Variants in RBSN observed in about 807,000 individuals in gnomAD.
RBSN encodes the protein rabenosyn, RAB effector.
Under a neutral mutation model 60.5 loss-of-function variants are expected in RBSN, and 34 were observed. The observed-to-expected ratio is 0.56, with a 90% CI of 0.43 to 0.75. RBSN has a LOEUF of 0.75. Among genes scored for constraint, RBSN ranks in the 30% least tolerant of loss-of-function variants. The pLI is 0.00. For synonymous variants in RBSN, 322 were observed against 366.9 expected, an observed-to-expected ratio of 0.88 and a Z score of 1.40; for missense variants, 845 against 986.8, an observed-to-expected ratio of 0.86 and a Z score of 1.92.
chr3:15,082,282 A>G lies in RBSN; in HGVS notation c.840+85T>C. On this transcript the variant is annotated intron_variant, in intron 9 of 13. Transcript: ENST00000253699. This position sits in a 1 kb window ranked among gnomAD's most constrained non-coding sequence, Gnocchi z 4.2. ...ATTCAAACGAACAACTTCCCAAAGC[A>G]TTCTCCAGAATCTGCAGGAGTGTAC... 3.9e-6 allele frequency: 6 copies of G among 1,524,638 alleles called. No homozygotes were observed. Among genetic ancestry groups the G allele is most frequent in the Non-Finnish European group, 5.4e-6 (6 of 1,118,508 alleles). 94.4% of individuals were successfully genotyped at this position (1,524,638 alleles called of 1,614,324 possible).
At chr3:15,098,455 T>TA (rs1485723784) in intron 1 of RBSN, among the ~76,000 whole-genome samples, 181 bp from the exon 2 acceptor site, 67 of 2,704 alleles carry the variant, frequency 0.025, 7 homozygotes, top group African/African-American at 0.066. Flanking sequence ...ACGTAAAAAG[T>TA]AAAAAAAATA....
chr3:15,087,548 T>C (rs1311296417), intron 5 of RBSN, among the ~76,000 whole-genome samples: 1 of 152,144 alleles, frequency 6.6e-6, no homozygotes, highest in Admixed American at 6.6e-5. Context: ...CACCACCTTA[T>C]ACAACAGATC....
chr3:15,097,650 C>G (rs918820271), intron 2 of RBSN, among the ~76,000 whole-genome samples: 11 of 152,286 alleles, frequency 7.2e-5, no homozygotes, highest in African/African-American at 2.6e-4. Context: ...TCAAGACACC[C>G]AGTCACAAGA....
Position 15,077,049 on chromosome 3 carries a change from A to C in RBSN, c.1101+13T>G. 6.2e-7 allele frequency: 1 copy of C among 1,613,272 alleles called. No individual in the cohort carries two copies. Among genetic ancestry groups the C allele is most frequent in the Non-Finnish European group, 8.5e-7 (1 of 1,179,254 alleles). On this transcript the variant is annotated intron_variant, in intron 12 of 13. Transcript: ENST00000253699. This position sits in a 1 kb window ranked among gnomAD's most constrained non-coding sequence, Gnocchi z 4.4. ...CCAAGTGCAACATTTATGCCAACCCAGGATGGCTTTACCTGCACAAAAAGT... is the reference window on the plus strand; with the variant it reads ...CCAAGTGCAACATTTATGCCAACCCCGGATGGCTTTACCTGCACAAAAAGT...
In RBSN at chr3:15,070,706, C is replaced by T. The variant is rs1408314147; in HGVS notation, c.*3076G>A. The T allele has an allele frequency of 6.6e-6, 1 of 152,590 alleles. No homozygotes were observed. The highest frequency in any genetic ancestry group is 1.5e-5 in the Non-Finnish European group (1 of 68,046). The allele number at this position is 152,590 out of a possible 1,614,324, so 9.5% of individuals were successfully genotyped here. A position where few individuals can be genotyped will look rare whatever the true frequency, so the allele number is the denominator to read the frequency against. On this transcript the variant is annotated 3_prime_UTR_variant, in exon 14 of 14. Transcript: ENST00000253699. ...AATTCTAACTCCTGTGATGTATTTA[C>T]AGGAGAAGATAATCGTGGAAGAATT... is the stretch of plus-strand genomic sequence containing the variant.
Position 15,085,871 on chromosome 3 carries a change from C to T in RBSN, c.380G>A (p.Arg127Lys), listed in dbSNP as rs1040380572. Residue 127 changes from arginine to lysine, a missense_variant, in exon 6 of 14, where the codon AGG (arginine) becomes AAG (lysine). Physicochemically the swap from Arg to Lys is conservative, Grantham distance 26. Transcript: ENST00000253699. ...GACAACAAAATTTACCTTCTCTAAC[C>T]TGATTATTAGTTTATTGACTTCCAC... ...YVVEVNKLII[R>K]LEKLTAFDRT... 1 of 1,613,540 alleles carries T rather than the reference C, an allele frequency of 6.2e-7. No individual in the cohort carries two copies. The highest frequency in any genetic ancestry group is 8.5e-7 in the Non-Finnish European group (1 of 1,179,788).
Position 15,080,766 on chromosome 3 carries a change from C to A in RBSN, c.877G>T (p.Ala293Ser), listed in dbSNP as rs911681286. 29 of 1,613,960 alleles carry A rather than the reference C, an allele frequency of 1.8e-5. No homozygotes were observed. The highest frequency in any genetic ancestry group is 2.0e-5 in the Non-Finnish European group (24 of 1,180,022). The change falls in exon 10 of 14, where the codon GCT (alanine) becomes TCT (serine). Residue 293 changes from alanine (A) to serine (S), a missense_variant. Physicochemically the swap from Ala to Ser is moderately conservative, Grantham distance 99. Coordinates refer to ENST00000253699, the MANE Select transcript of RBSN (RefSeq NM_022340.4). ...RLCMEKVDQKAPEYIRMAASL... is the reference protein window; with the variant it reads ...RLCMEKVDQKSPEYIRMAASL... The stretch of plus-strand genomic sequence containing the variant: ...GCTGCCATCCTGATGTATTCTGGAG[C>A]TTTCTGGTCAACTTTCTCCATGCAA...
At position 15,070,721 on chromosome 3, in the gene RBSN, G is replaced by A. The variant is rs915569292; in HGVS notation, c.*3061C>T. 19 of 152,632 alleles carry A rather than the reference G, an allele frequency of 1.2e-4. No homozygotes were observed. Among genetic ancestry groups the A allele is most frequent in the African/African-American group, 4.6e-4 (19 of 41,442 alleles). The allele number at this position is 152,632 out of a possible 1,614,324, so 9.5% of individuals were successfully genotyped here. ...GATGTATTTACAGGAGAAGATAATC[G>A]TGGAAGAATTAAATGGAAGAATTCA... is the stretch of plus-strand genomic sequence containing the variant. On this transcript the variant is annotated 3_prime_UTR_variant, in exon 14 of 14. Coordinates refer to ENST00000253699, the MANE Select transcript of RBSN (RefSeq NM_022340.4).
In RBSN at chr3:15,074,100, G is replaced by T; in HGVS notation, c.2037C>A (p.Phe679Leu). 6.2e-7 allele frequency: 1 copy of T among 1,614,128 alleles called. No homozygotes were observed. Residue 679 changes from phenylalanine to leucine, a missense_variant, in exon 14 of 14, where the codon TTC (phenylalanine) becomes TTA (leucine). Coordinates refer to ENST00000253699, the MANE Select transcript of RBSN (RefSeq NM_022340.4). The surrounding 1 kb of genome is among the most constrained non-coding windows in gnomAD (Gnocchi z 6.4). ...EEEEAVAGNP[F>L]IQPDSPAPNP... ...TAGGAGCTGGGCTGTCTGGCTGAAT[G>T]AATGGATTCCCTGCCACTGCTTCCT...
rs886292102 is a variant in RBSN at position 15,070,533 on chromosome 3, TAAAG to T, written c.*3245_*3248del. ...GACGGGGCTGTTTGCCTTGGAAGAC[TAAAG>T]AAAGGGTGAATATTCACATGAGGTA... On this transcript the variant is annotated 3_prime_UTR_variant, in exon 14 of 14. Transcript: ENST00000253699. The T allele has an allele frequency of 2.0e-5, 3 of 152,692 alleles. No individual in the cohort carries two copies. The highest frequency in any genetic ancestry group is 7.2e-5 in the African/African-American group (3 of 41,544). The allele number at this position is 152,692 out of a possible 1,614,324, so 9.5% of individuals were successfully genotyped here. A position where few individuals can be genotyped will look rare whatever the true frequency, so the allele number is the denominator to read the frequency against.
intron 4 of RBSN, among the ~76,000 whole-genome samples, chr3:15,091,728 G>C (rs1427257636): frequency 6.6e-6 from 1 of 152,224 alleles, no homozygotes; most frequent in Non-Finnish European, 1.5e-5. Flanking sequence ...GTAACAGCAG[G>C]GCTGGAAGTA....
chr3:15,091,379 G>C, intron 4 of RBSN: 2 of 1,165,524 alleles, frequency 1.7e-6, no homozygotes, highest in Non-Finnish European at 2.2e-6. Flanking sequence ...CCGTGGACTG[G>C]TGTTCCCCAT....
In RBSN at chr3:15,073,961, T is replaced by C; in HGVS notation, c.2176A>G (p.Ser726Gly). ...ATGGGCTCCTCAGCCTCTGGCCCAC[T>C]GTCACTGTCCATCTCAAAGGGGTTG... ...CINPFEMDSD[S>G]GPEAEEPIEE... Residue 726 changes from serine (S) to glycine (G), a missense_variant, in exon 14 of 14, where the codon AGT (serine) becomes GGT (glycine). Transcript: ENST00000253699. 6.2e-7 allele frequency: 1 copy of C among 1,614,068 alleles called. No individual in the cohort carries two copies. Among genetic ancestry groups the C allele is most frequent in the African/African-American group, 1.3e-5 (1 of 74,994 alleles).
In RBSN at chr3:15,082,753, C is replaced by G; in HGVS notation, c.599-145G>C. 8.2e-7 allele frequency: 1 copy of G among 1,222,990 alleles called. No individual in the cohort carries two copies. The highest frequency in any genetic ancestry group is 1.1e-6 in the Non-Finnish European group (1 of 891,532). The allele number at this position is 1,222,990 out of a possible 1,614,324, so 75.8% of individuals were successfully genotyped here. ...CTGTGGGCACGTACTGCCCCTCTGC[C>G]TTCCTGGTGTCAGACTCTGGTGAGA... On this transcript the variant is annotated intron_variant, in intron 8 of 13. Transcript: ENST00000253699. The surrounding 1 kb of genome is among the most constrained non-coding windows in gnomAD (Gnocchi z 4.2).
chr3:15,089,469 A>C (rs1331401128), intron 5 of RBSN, among the ~76,000 whole-genome samples: 22 of 109,890 alleles, frequency 2.0e-4, no homozygotes, highest in African/African-American at 9.1e-4. Context: ...AAAAAAAAAA[A>C]AAAAAAAACA....
chr3:15,078,819 T>TATATAC (rs1559342917), intron 10 of RBSN, among the ~76,000 whole-genome samples: 1 of 110,198 alleles, frequency 9.1e-6, no homozygotes, highest in Non-Finnish European at 1.9e-5. Context: ...TATATATATA[T>TATATAC]ATATACATGG....
chr3:15,080,369 AT>A (rs201583435), intron 10 of RBSN, among the ~76,000 whole-genome samples: 2,072 of 152,236 alleles, frequency 0.014, 47 homozygotes, highest in African/African-American at 0.047. Flanking sequence ...CTCAAGTGGC[AT>A]CTACCCAGAC....
chr3:15,078,117 C>G lies in RBSN; in HGVS notation c.956G>C (p.Arg319Pro). 6.2e-7 allele frequency: 1 copy of G among 1,614,114 alleles called. No individual in the cohort carries two copies. Among genetic ancestry groups the G allele is most frequent in the Non-Finnish European group, 8.5e-7 (1 of 1,179,996 alleles). ...TYSLEHASDLRVEVQKVYELI... is the reference protein window; with the variant it reads ...TYSLEHASDLPVEVQKVYELI... ...CTCATACACTTTCTGCACTTCCACT[C>G]GAAGGTCACTGGCATGTTCCAGACT... is the stretch of plus-strand genomic sequence containing the variant. The change falls in exon 11 of 14, where the codon CGA becomes CCA. Residue 319 changes from arginine (R) to proline (P), a missense_variant. Coordinates refer to ENST00000253699, the MANE Select transcript of RBSN (RefSeq NM_022340.4).
Position 15,082,548 on chromosome 3 carries a change from G to C in RBSN, c.659C>G (p.Pro220Arg), listed in dbSNP as rs2043231735. The part of the protein sequence containing the change: ...LSTHTSPSQS[P>R]NSVHGSRRGS... ...TCGGCGGGAGCCATGGACACTGTTG[G>C]GTGACTGGCTGGGGCTGGTGTGGGT... Residue 220 changes from proline to arginine, a missense_variant, in exon 9 of 14, where the codon CCC (proline) becomes CGC (arginine). By Grantham distance (103) the Pro-to-Arg change is moderately radical. Coordinates refer to ENST00000253699, the MANE Select transcript of RBSN (RefSeq NM_022340.4). The surrounding 1 kb of genome is among the most constrained non-coding windows in gnomAD (Gnocchi z 4.2). 1 of 1,614,086 alleles carries C rather than the reference G, an allele frequency of 6.2e-7. No homozygotes were observed. Among genetic ancestry groups the C allele is most frequent in the Admixed American group, 1.7e-5 (1 of 60,008 alleles).
Sources: allele counts gnomAD v4.1 joint callset (sites outside exome capture counted in the v4.1 genomes callset), GRCh38; gene constraint gnomAD v4.1.1; non-coding constraint Gnocchi (gnomAD v3.1); transcripts MANE v1.5; gene names NCBI Gene and HGNC (gene_info 2026-07-23, HGNC 2026-07-21).